NWD2: variants seen among roughly 807,000 people sequenced by gnomAD.
NWD2 encodes NACHT and WD repeat domain-containing protein 2.
A neutral mutation model predicts 132.7 loss-of-function variants in NWD2; 37 were observed. The observed-to-expected ratio is 0.28, with a 90% CI of 0.21 to 0.37. NWD2 has a LOEUF of 0.37. Ranked by LOEUF, NWD2 falls within the 10% of genes least tolerant of loss-of-function variation. The pLI, the probability that NWD2 is intolerant of heterozygous loss-of-function variation, is 1.00. For missense variants in NWD2, 1,592 were observed against 2,122.4 expected (o/e 0.75, Z 4.91); for synonymous variants, 705 against 803.0 (o/e 0.88, Z 2.06).
intron 1 of NWD2, among the ~76,000 whole-genome samples, chr4:37,274,651 T>C (rs1717950427): frequency 6.6e-6 from 1 of 151,770 alleles, no homozygotes; most frequent in Non-Finnish European, 1.5e-5. Flanking sequence ...TAGACCAATA[T>C]CCCTGATGAA....
chr4:37,391,135 GTGTT>G (rs1484199214), intron 3 of NWD2, among the ~76,000 whole-genome samples: 1 of 152,164 alleles, frequency 6.6e-6, no homozygotes, highest in East Asian at 1.9e-4. Context: ...CTCAGAAAAT[GTGTT>G]TGTGGGTTGG....
chr4:37,283,880 T>C (rs1718176250), intron 1 of NWD2, among the ~76,000 whole-genome samples: 1 of 152,164 alleles, frequency 6.6e-6, no homozygotes, highest in African/African-American at 2.4e-5. Context: ...CCTAAGCTCT[T>C]GGGGCTTCAG....
intron 2 of NWD2, among the ~76,000 whole-genome samples, chr4:37,333,962 TG>T (rs2109291427): frequency 1.3e-5 from 2 of 152,002 alleles, no homozygotes; most frequent in South Asian, 4.2e-4. Flanking sequence ...CCAGCAGAAT[TG>T]ATCAAGCAGA....
At chr4:37,393,204 G>GA (rs1553897272) in intron 3 of NWD2, among the ~76,000 whole-genome samples, 1 of 151,782 alleles carries the variant, frequency 6.6e-6, no homozygotes, top group Admixed American at 6.6e-5. Context: ...GTTGGGGGGA[G>GA]ACTCTGACCT....
intron 1 of NWD2, among the ~76,000 whole-genome samples, chr4:37,250,634 T>C (rs1717338977): frequency 6.6e-6 from 1 of 152,228 alleles, no homozygotes. Flanking sequence ...CATTCTACCA[T>C]GATCCAGACA....
At chr4:37,293,723 A>G (rs1485620172) in intron 1 of NWD2, among the ~76,000 whole-genome samples, 1 of 152,194 alleles carries the variant, frequency 6.6e-6, no homozygotes, top group East Asian at 1.9e-4. Flanking sequence ...AGGAAGTTAT[A>G]CGAAGAAGGA....
chr4:37,370,118 C>T (rs1720184753), intron 3 of NWD2, among the ~76,000 whole-genome samples: 1 of 152,124 alleles, frequency 6.6e-6, no homozygotes, highest in African/African-American at 2.4e-5. Context: ...CAGATCTGAA[C>T]CAAATAATTT....
intron 4 of NWD2, among the ~76,000 whole-genome samples, chr4:37,433,126 G>A (rs1365325104): frequency 6.6e-6 from 1 of 152,140 alleles, no homozygotes; most frequent in African/African-American, 2.4e-5. Context: ...ATTATTCAAA[G>A]TAATTATCTA....
intron 1 of NWD2, among the ~76,000 whole-genome samples, chr4:37,300,484 C>T (rs950797714): frequency 1.8e-4 from 27 of 152,144 alleles, no homozygotes; most frequent in Admixed American, 3.9e-4. Context: ...AAAAGAATTA[C>T]AGATGAATTA....
chr4:37,271,834 T>C (rs1318759340), intron 1 of NWD2, among the ~76,000 whole-genome samples: 1 of 151,804 alleles, frequency 6.6e-6, no homozygotes, highest in African/African-American at 2.4e-5. Context: ...GTCAGTTCCT[T>C]TTATCTTGAA....
At chr4:37,336,101 A>C (rs754489184) in intron 2 of NWD2, among the ~76,000 whole-genome samples, 6 of 152,056 alleles carry the variant, frequency 3.9e-5, no homozygotes, top group Non-Finnish European at 8.8e-5. Flanking sequence ...GCTTATGCTC[A>C]AGTCTTTTTA....
chr4:37,438,050 A>T (rs1296912241), intron 5 of NWD2, among the ~76,000 whole-genome samples: 2 of 152,068 alleles, frequency 1.3e-5, no homozygotes, highest in South Asian at 4.1e-4. Flanking sequence ...TCACAAGGTC[A>T]GGAGAAAGAG....
chr4:37,329,756 G>A (rs1476892215), intron 2 of NWD2, among the ~76,000 whole-genome samples: 1 of 151,912 alleles, frequency 6.6e-6, no homozygotes, highest in Non-Finnish European at 1.5e-5. Context: ...GAAAGAGTGA[G>A]GTGATATGAC....
At chr4:37,311,946 C>T (rs183520212) in intron 1 of NWD2, among the ~76,000 whole-genome samples, 12,297 of 150,854 alleles carry the variant, frequency 0.082, 1,372 homozygotes, top group African/African-American at 0.25. Flanking sequence ...TGTAGATATG[C>T]GGCGTTATTT....
intron 3 of NWD2, among the ~76,000 whole-genome samples, chr4:37,418,449 A>G (rs1284835522): frequency 6.6e-6 from 1 of 152,114 alleles, no homozygotes; most frequent in Non-Finnish European, 1.5e-5. Context: ...TGGGCTACAC[A>G]TAATGATTTC....
At chr4:37,412,170 G>T (rs1017480744) in intron 3 of NWD2, among the ~76,000 whole-genome samples, 1 of 152,024 alleles carries the variant, frequency 6.6e-6, no homozygotes, top group Non-Finnish European at 1.5e-5. Flanking sequence ...AAGGGAATTC[G>T]AATAGGAACA....
chr4:37,309,203 C>G (rs1718777659), intron 1 of NWD2, among the ~76,000 whole-genome samples: 1 of 152,146 alleles, frequency 6.6e-6, no homozygotes, highest in South Asian at 2.1e-4. Context: ...TTGCCAGTGA[C>G]ACTGGCAGCA....
chr4:37,369,936 G>A lies in NWD2; in HGVS notation c.357+13454G>A, dbSNP rs555921778. Among the ~76,000 whole-genome samples, 124 of 152,212 alleles carry A rather than the reference G, an allele frequency of 8.1e-4. 1 individual carries two copies. The highest frequency in any genetic ancestry group is 2.9e-3 in the African/African-American group (119 of 41,544). Reference sequence around the variant, plus strand: ...ACTTCTCCATTGTATGGCCCTTTCTGTATTCTCAGCTGTACATGGCAGCTC... The same window carrying A: ...ACTTCTCCATTGTATGGCCCTTTCTATATTCTCAGCTGTACATGGCAGCTC... On this transcript the variant is annotated intron_variant, in intron 3 of 6. Transcript: ENST00000309447.
chr4:37,429,775 G>C (rs897454660), intron 3 of NWD2, among the ~76,000 whole-genome samples: 7 of 152,168 alleles, frequency 4.6e-5, no homozygotes, highest in Non-Finnish European at 7.4e-5. Flanking sequence ...AACTAATTCA[G>C]CATAAATATT....
Sources: gnomAD v4.1 joint callset for allele counts (sites outside exome capture counted in the v4.1 genomes callset) on GRCh38, gnomAD v4.1.1 for gene constraint, MANE v1.5 for transcripts, NCBI Gene and HGNC (gene_info 2026-07-23, HGNC 2026-07-21) for gene names.